Variants in ICE1 observed in about 807,000 individuals in gnomAD.
The protein encoded by ICE1 is interactor of little elongation complex ELL subunit 1.
Under a neutral mutation model 192.7 loss-of-function variants are expected in ICE1, and 64 were observed. That is an observed-to-expected ratio of 0.33 (90% CI 0.27 to 0.41). ICE1 has a LOEUF of 0.41. Ranked by LOEUF, ICE1 falls within the 10% of genes least tolerant of loss-of-function variation. The pLI, the probability that ICE1 is intolerant of heterozygous loss-of-function variation, is 1.00. For missense variants in ICE1, 2,708 were observed against 2,696.0 expected (o/e 1.00, Z -0.10); for synonymous variants, 1,010 against 984.5 (o/e 1.03, Z -0.49).
chr5:5,489,945 A>T lies in ICE1; in HGVS notation c.*615A>T, dbSNP rs1739749107. 6.6e-6 allele frequency: 1 copy of T among 152,250 alleles called. No individual in the cohort carries two copies. Among genetic ancestry groups the T allele is most frequent in the African/African-American group, 2.4e-5 (1 of 41,456 alleles). 9.4% of individuals were successfully genotyped at this position (152,250 alleles called of 1,614,324 possible). ...TATGTGACAATGCATCAGGAAGAGG[A>T]GAACTGAAGAGTAGAAGTTCCCTTG... On this transcript the variant is annotated 3_prime_UTR_variant, in exon 19 of 19. Coordinates refer to ENST00000296564, the MANE Select transcript of ICE1 (RefSeq NM_015325.3).
chr5:5,450,855 C>T (rs542679153), intron 10 of ICE1, among the ~76,000 whole-genome samples: 3 of 152,210 alleles, frequency 2.0e-5, no homozygotes, highest in African/African-American at 7.2e-5. Context: ...TCTTGGAAAT[C>T]TAGGGGGACT....
rs768790749 is a variant in ICE1 at position 5,461,399 on chromosome 5, C to T, written c.2065C>T (p.Pro689Ser). 4 of 1,613,804 alleles carry T rather than the reference C, an allele frequency of 2.5e-6. No homozygotes were observed. Among genetic ancestry groups the T allele is most frequent in the Admixed American group, 3.3e-5 (2 of 59,998 alleles). The change falls in exon 13 of 19, where the codon CCA becomes TCA. Residue 689 changes from proline to serine, a missense_variant. Pro to Ser is a moderately conservative substitution (Grantham distance 74). Transcript: ENST00000296564. Reference sequence around the variant, plus strand: ...AAACACATTACATCTGCAGTCTGAGCCACCGGAGTGTTCTATAGGAGGAAA... The same window carrying T: ...AAACACATTACATCTGCAGTCTGAGTCACCGGAGTGTTCTATAGGAGGAAA... ...TLNTLHLQSE[P>S]PECSIGGNNL...
At chr5:5,478,591 G>GA (rs1451601869) in intron 17 of ICE1, among the ~76,000 whole-genome samples, 1 of 152,126 alleles carries the variant, frequency 6.6e-6, no homozygotes, top group Admixed American at 6.5e-5. Flanking sequence ...CGCAGAATTA[G>GA]AAAAAACTAC....
rs1265476071 is a variant in ICE1 at position 5,457,719 on chromosome 5, C to G, written c.1079C>G (p.Ser360Cys). The G allele has an allele frequency of 1.2e-6, 2 of 1,611,986 alleles. No individual in the cohort carries two copies. The highest frequency in any genetic ancestry group is 2.7e-5 in the African/African-American group (2 of 74,870). The change falls in exon 12 of 19, where the codon TCC (serine) becomes TGC (cysteine). Residue 360 changes from serine (S) to cysteine (C), a missense_variant. By Grantham distance (112) the Ser-to-Cys change is moderately radical. Around this residue, in one of 2 missense-constraint regions of ICE1, gnomAD observed 2,366 missense variants for 2,276.6 expected, o/e 1.04. Coordinates refer to ENST00000296564, the MANE Select transcript of ICE1 (RefSeq NM_015325.3). ...CCGATGTCATCACCTCACCCGGGTT[C>G]CTTACCGTCTTCATTTGCACCTGTG... The part of the protein sequence containing the change: ...PPPMSSPHPG[S>C]LPSSFAPETY...
intron 15 of ICE1, among the ~76,000 whole-genome samples, chr5:5,471,853 A>G (rs1739163656): frequency 6.6e-6 from 1 of 152,166 alleles, no homozygotes; most frequent in Admixed American, 6.5e-5. Context: ...TGGGTTCTTC[A>G]AGGTGGTTCC....
At chr5:5,470,521 C>G (rs1182388232) in intron 15 of ICE1, among the ~76,000 whole-genome samples, 1 of 151,836 alleles carries the variant, frequency 6.6e-6, no homozygotes, top group Admixed American at 6.6e-5. Flanking sequence ...GGAATAAAAC[C>G]CCATTATATT....
At chr5:5,445,485 C>A (rs1738190438) in intron 7 of ICE1, among the ~76,000 whole-genome samples, 1 of 151,954 alleles carries the variant, frequency 6.6e-6, no homozygotes, top group Non-Finnish European at 1.5e-5. Context: ...TCAGGCTGGA[C>A]AGGTGGTGCG....
In ICE1 at chr5:5,441,254, C is replaced by T. The variant is rs757930585; in HGVS notation, c.309+31C>T. 26 of 1,356,470 alleles carry T rather than the reference C, an allele frequency of 1.9e-5. No individual in the cohort carries two copies. The East Asian group carries it at 2.0e-4, about 10-fold the overall frequency. The allele number at this position is 1,356,470 out of a possible 1,614,324, so 84.0% of individuals were successfully genotyped here. On this transcript the variant is annotated intron_variant, in intron 5 of 18. Transcript: ENST00000296564. ...AACAATAATTTTCTGTAAAGATTTA[C>T]GGTCAATAAATTAGGATGAGCTTAT...
Position 5,473,552 on chromosome 5 carries a change from TG to T in ICE1, c.6223-5del, listed in dbSNP as rs1739226606. 1 of 1,600,022 alleles carries T rather than the reference TG, an allele frequency of 6.2e-7. No individual in the cohort carries two copies. Among genetic ancestry groups the T allele is most frequent in the African/African-American group, 1.4e-5 (1 of 73,926 alleles). ...AGATTTTATTTTATTTCTTTTCATT[TG>T]CTAGAATGCCCCGGTAGATGTTGGC... is the stretch of plus-strand genomic sequence containing the variant. On this transcript the variant is annotated splice_polypyrimidine_tract_variant and splice_region_variant and intron_variant, in intron 15 of 18. Transcript: ENST00000296564.
chr5:5,441,405 G>A (rs1488357465), intron 5 of ICE1, among the ~76,000 whole-genome samples, 182 bp downstream of exon 5: 1 of 152,180 alleles, frequency 6.6e-6, no homozygotes, highest in African/African-American at 2.4e-5. Flanking sequence ...TCTTTACAGT[G>A]ATTATTAGCT....
In ICE1 at chr5:5,468,897, C is replaced by T. The variant is rs753410823; in HGVS notation, c.6131C>T (p.Ser2044Leu). The T allele has an allele frequency of 1.2e-6, 2 of 1,605,828 alleles. No homozygotes were observed. The highest frequency in any genetic ancestry group is 8.5e-7 in the Non-Finnish European group (1 of 1,176,504). ...TGGCATGATATATTTCTCTCTCAAT[C>T]GGTGATTAATAAAGCAATGCAGTTA... The part of the protein sequence containing the change: ...NMWHDIFLSQ[S>L]VINKAMQLVA... Residue 2044 changes from serine to leucine, a missense_variant, in exon 15 of 19, where the codon TCG becomes TTG. Transcript: ENST00000296564.
At chr5:5,468,562 AC>A (rs369400064) in intron 14 of ICE1, among the ~76,000 whole-genome samples, 75 of 152,330 alleles carry the variant, frequency 4.9e-4, no homozygotes, top group African/African-American at 1.8e-3. Flanking sequence ...GTAATACAAA[AC>A]CTATGTAATG....
chr5:5,489,451 A>AC lies in ICE1; in HGVS notation c.*123dup, dbSNP rs1453116009. 2 of 832,442 alleles carry AC rather than the reference A, an allele frequency of 2.4e-6. No individual in the cohort carries two copies. The highest frequency in any genetic ancestry group is 3.6e-6 in the Non-Finnish European group (2 of 557,420). 51.6% of individuals were successfully genotyped at this position (832,442 alleles called of 1,614,324 possible). A position where few individuals can be genotyped will look rare whatever the true frequency, so the allele number is the denominator to read the frequency against. On this transcript the variant is annotated 3_prime_UTR_variant, in exon 19 of 19. Coordinates refer to ENST00000296564, the MANE Select transcript of ICE1 (RefSeq NM_015325.3). The stretch of plus-strand genomic sequence containing the variant: ...AAAAGACATAAAATAGATAAAACAG[A>AC]CCAGAGGCTCTCCTTATTGTTTGGC...
chr5:5,429,987 G>A (rs931157056), intron 1 of ICE1, among the ~76,000 whole-genome samples: 3 of 152,172 alleles, frequency 2.0e-5, no homozygotes, highest in African/African-American at 7.2e-5. Flanking sequence ...AGTTATGAGA[G>A]AAAAGAGGAG....
At chr5:5,444,210 A>G in intron 6 of ICE1, 79 bp from the exon 7 acceptor site, 2 of 878,404 alleles carry the variant, frequency 2.3e-6, no homozygotes, top group Non-Finnish European at 3.6e-6. Flanking sequence ...AATTTAAAAA[A>G]TATGTGCCAC....
In ICE1 at chr5:5,462,816, T is replaced by A; in HGVS notation, c.3482T>A (p.Ile1161Lys). ...YLTSALQDFN[I>K]STFSELDRLS... Reference sequence around the variant, plus strand: ...ACGTCAGCTCTGCAAGATTTTAACATAAGTACTTTTTCTGAGCTGGATAGA... The same window carrying A: ...ACGTCAGCTCTGCAAGATTTTAACAAAAGTACTTTTTCTGAGCTGGATAGA... Residue 1161 changes from isoleucine (I) to lysine (K), a missense_variant, in exon 13 of 19, where the codon ATA becomes AAA. Ile to Lys is a moderately radical substitution (Grantham distance 102). Coordinates refer to ENST00000296564, the MANE Select transcript of ICE1 (RefSeq NM_015325.3). The A allele has an allele frequency of 6.2e-7, 1 of 1,612,158 alleles. No homozygotes were observed. Among genetic ancestry groups the A allele is most frequent in the Non-Finnish European group, 8.5e-7 (1 of 1,178,970 alleles).
intron 17 of ICE1, among the ~76,000 whole-genome samples, chr5:5,480,462 A>G (rs1258916481): frequency 6.6e-6 from 1 of 151,838 alleles, no homozygotes; most frequent in African/African-American, 2.4e-5. Flanking sequence ...GTTAGCCAGG[A>G]TGGTCTCGAT....
At chr5:5,476,621 G>A (rs1739320378) in intron 17 of ICE1, among the ~76,000 whole-genome samples, 1 of 152,156 alleles carries the variant, frequency 6.6e-6, no homozygotes, top group South Asian at 2.1e-4. Context: ...AGGAGCAAGT[G>A]AGGGGTAGCG....
intron 16 of ICE1, 132 bp downstream of exon 16, chr5:5,473,880 T>A (rs1561097244): frequency 9.3e-6 from 6 of 642,016 alleles, no homozygotes; most frequent in Non-Finnish European, 1.5e-5. Context: ...ATTACACTGT[T>A]TTTATTTTAT....
Sources: gnomAD v4.1 joint callset for allele counts (sites outside exome capture counted in the v4.1 genomes callset) on GRCh38, gnomAD v4.1.1 for gene constraint, gnomAD v4.1.1 regional missense constraint, MANE v1.5 for transcripts, NCBI Gene and HGNC (gene_info 2026-07-23, HGNC 2026-07-21) for gene names.